SORL1: variants seen among roughly 807,000 people sequenced by gnomAD.
SORL1 encodes the protein sortilin-related receptor.
A neutral mutation model predicts 273.7 loss-of-function variants in SORL1; 127 were observed. That is an observed-to-expected ratio of 0.46 (90% CI 0.40 to 0.54). The LOEUF (loss-of-function observed/expected upper bound fraction) is 0.54, where lower values mean the gene tolerates loss of function less well. SORL1 is among the 20% of genes least tolerant of loss of function. SORL1 has a pLI of 0.00. For synonymous variants in SORL1, 1,031 were observed against 1,067.4 expected (o/e 0.97, Z 0.66); for missense variants, 2,494 against 2,846.1 (o/e 0.88, Z 2.81).
intron 11 of SORL1, among the ~76,000 whole-genome samples, chr11:121,531,931 C>T (rs59966742): frequency 0.011 from 1,712 of 152,274 alleles, 24 homozygotes; most frequent in African/African-American, 0.039. Flanking sequence ...ACTTTTCCTT[C>T]GGGCAAAGCT....
intron 6 of SORL1, among the ~76,000 whole-genome samples, chr11:121,505,255 TA>T (rs2134834007): frequency 6.6e-6 from 1 of 152,178 alleles, no homozygotes; most frequent in East Asian, 1.9e-4. Flanking sequence ...GTGTTCACAC[TA>T]ATCTTTTTTT....
chr11:121,597,929 A>G (rs1256742115), intron 32 of SORL1, among the ~76,000 whole-genome samples: 2 of 152,172 alleles, frequency 1.3e-5, no homozygotes, highest in Non-Finnish European at 2.9e-5. Flanking sequence ...TGGTGCCTGG[A>G]CAACGGTGGG....
chr11:121,557,944 T>A (rs1032162253), intron 19 of SORL1, among the ~76,000 whole-genome samples: 23 of 152,220 alleles, frequency 1.5e-4, no homozygotes, highest in Non-Finnish European at 2.5e-4. Context: ...TTGGCACAAT[T>A]TTTTTCAAGG....
chr11:121,579,660 C>T lies in SORL1; in HGVS notation c.3580+2260C>T, dbSNP rs116514169. On this transcript the variant is annotated intron_variant, in intron 25 of 47. Coordinates refer to ENST00000260197, the MANE Select transcript of SORL1 (RefSeq NM_003105.6). ...TGATCCAAATCTCTGCCTACAGTTC[C>T]AGTACTAAAATACCTAGTATTTTAA... Among the ~76,000 whole-genome samples the T allele has an allele frequency of 4.0e-3, 608 of 152,262 alleles. 7 individuals are homozygous for T. Among genetic ancestry groups the T allele is most frequent in the African/African-American group, 0.014 (576 of 41,536 alleles).
At chr11:121,542,861 A>G (rs1862367410) in intron 12 of SORL1, among the ~76,000 whole-genome samples, 1 of 149,992 alleles carries the variant, frequency 6.7e-6, no homozygotes, top group South Asian at 2.1e-4. Context: ...TCCAACCCTT[A>G]TTAAGTGCCA....
chr11:121,525,700 T>C (rs1344696828), intron 11 of SORL1, among the ~76,000 whole-genome samples: 1 of 152,266 alleles, frequency 6.6e-6, no homozygotes, highest in Non-Finnish European at 1.5e-5. Flanking sequence ...CATGTGCTCA[T>C]TGGCCATTTT....
At chr11:121,478,672 G>A (rs11218305) in intron 3 of SORL1, among the ~76,000 whole-genome samples, 10 of 152,070 alleles carry the variant, frequency 6.6e-5, no homozygotes, top group African/African-American at 9.6e-5. Flanking sequence ...GCTTGTGTGC[G>A]TGTGAGTACC....
chr11:121,516,670 C>T (rs941844789), intron 8 of SORL1, among the ~76,000 whole-genome samples: 5 of 152,140 alleles, frequency 3.3e-5, no homozygotes, highest in Admixed American at 2.0e-4. Flanking sequence ...CCATTCCTGC[C>T]ATGATACATT....
chr11:121,542,767 G>A (rs953718352), intron 12 of SORL1, among the ~76,000 whole-genome samples: 1 of 151,336 alleles, frequency 6.6e-6, no homozygotes, highest in Non-Finnish European at 1.5e-5. Flanking sequence ...ATCCAGTGAT[G>A]ATCCTTGTGT....
chr11:121,580,604 C>CTTTTT (rs11404598), intron 25 of SORL1, among the ~76,000 whole-genome samples: 3 of 115,492 alleles, frequency 2.6e-5, no homozygotes, highest in South Asian at 2.8e-4. Context: ...CATGCACTTA[C>CTTTTT]TTTTTTTTTT....
At chr11:121,623,503 G>A (rs999800059) in intron 45 of SORL1, among the ~76,000 whole-genome samples, 6 of 152,216 alleles carry the variant, frequency 3.9e-5, no homozygotes, top group Admixed American at 2.6e-4. Context: ...CCGAGATGCC[G>A]AACAGAAGAG....
intron 1 of SORL1, among the ~76,000 whole-genome samples, chr11:121,469,524 C>T (rs676160): frequency 0.86 from 131,229 of 152,260 alleles, 57,016 homozygotes; most frequent in Non-Finnish European, 0.91. Flanking sequence ...TCTCATTTCT[C>T]ATTACCAGCT....
chr11:121,604,410 C>T (rs1278496130), intron 33 of SORL1, 86 bp downstream of exon 33: 4 of 1,503,956 alleles, frequency 2.7e-6, no homozygotes, highest in Admixed American at 4.0e-5. Context: ...AGACCTTGAG[C>T]TAGGACCCTT....
intron 6 of SORL1, among the ~76,000 whole-genome samples, chr11:121,503,020 G>T (rs909033854): frequency 6.6e-6 from 1 of 151,960 alleles, no homozygotes; most frequent in Admixed American, 6.6e-5. Flanking sequence ...ACAGGCATGT[G>T]CCACCATACC....
intron 1 of SORL1, among the ~76,000 whole-genome samples, chr11:121,468,613 G>A (rs1216635551): frequency 6.6e-6 from 1 of 152,140 alleles, no homozygotes; most frequent in Non-Finnish European, 1.5e-5. Context: ...TAGAGATGGG[G>A]TTTCACCGTA....
intron 25 of SORL1, among the ~76,000 whole-genome samples, chr11:121,577,648 C>T (rs141913747): frequency 1.3e-3 from 204 of 152,304 alleles, no homozygotes; most frequent in Middle Eastern, 6.8e-3. Context: ...TGTTCTGGCT[C>T]AAGCTTCTTA....
chr11:121,604,382 C>A, intron 33 of SORL1, 58 bp downstream of exon 33: 1 of 1,592,980 alleles, frequency 6.3e-7, no homozygotes, highest in South Asian at 1.1e-5. Context: ...CTCGCTTACC[C>A]CAGGGCCCCT....
intron 8 of SORL1, among the ~76,000 whole-genome samples, chr11:121,516,330 G>A (rs1861950331): frequency 6.6e-6 from 1 of 152,172 alleles, no homozygotes; most frequent in Non-Finnish European, 1.5e-5. Flanking sequence ...AGAGCCAATG[G>A]GATTTGTTGA....
rs1448692634 is a variant in SORL1 at position 121,550,250 on chromosome 11, A to C, written c.2180+162A>C. On this transcript the variant is annotated intron_variant, in intron 15 of 47. Transcript: ENST00000260197. This position sits in a 1 kb window ranked among gnomAD's most constrained non-coding sequence, Gnocchi z 5.3. ...ACATTATAAATTATGGTATTTGTAA[A>C]CTCTCCTACCTCCACATTGCAAGTC... Among the ~76,000 whole-genome samples the C allele has an allele frequency of 2.6e-5, 4 of 152,024 alleles. No homozygotes were observed. Among genetic ancestry groups the C allele is most frequent in the Non-Finnish European group, 5.9e-5 (4 of 68,022 alleles).
Sources: gnomAD v4.1 joint callset for allele counts (sites outside exome capture counted in the v4.1 genomes callset) on GRCh38, gnomAD v4.1.1 for gene constraint, Gnocchi (gnomAD v3.1) non-coding constraint, MANE v1.5 for transcripts, NCBI Gene and HGNC (gene_info 2026-07-23, HGNC 2026-07-21) for gene names.